The following KIAA2012 variants were observed in gnomAD, a reference collection of about 807,000 sequenced individuals.
The protein encoded by KIAA2012 is uncharacterized protein KIAA2012.
Under a neutral mutation model 150.6 loss-of-function variants are expected in KIAA2012, and 125 were observed. The ratio of observed to expected loss-of-function variants is 0.83; its 90% CI spans 0.72 to 0.96. KIAA2012 has a LOEUF of 0.96. KIAA2012 is among the 40% of genes least tolerant of loss of function. The probability of loss-of-function intolerance (pLI) is 0.00; values close to 1 mark genes in which losing one functional copy is unlikely to be tolerated. For missense variants in KIAA2012, 1,219 were observed against 1,354.9 expected (o/e 0.90, Z 1.57); for synonymous variants, 462 against 504.7 (o/e 0.92, Z 1.13).
rs144499273 is a variant in KIAA2012, at chr2:202,118,552, G to A, written c.1762+5106G>A. 2.7e-3 allele frequency among the ~76,000 whole-genome samples: 417 copies of A among 152,286 alleles called. 2 individuals are homozygous for A. The highest frequency in any genetic ancestry group is 9.8e-3 in the African/African-American group (407 of 41,566). On this transcript the variant is annotated intron_variant, in intron 11 of 23. Coordinates refer to ENST00000498697, the MANE Select transcript of KIAA2012 (RefSeq NM_001277372.4). The stretch of plus-strand genomic sequence containing the variant: ...TGAAGACTGAGCATGATAAGAGGCA[G>A]TTACTGTATAGTAACTCTGTTTCTT...
Position 202,144,934 on chromosome 2 carries a change from C to A in KIAA2012, c.1908+6426C>A, listed in dbSNP as rs1691266985. ...CAGTGATAATGAGATGGAAGTTCAA[C>A]TGATATTTTCCCCACAACTCACACA... On this transcript the variant is annotated intron_variant, in intron 13 of 23. Coordinates refer to ENST00000498697, the MANE Select transcript of KIAA2012 (RefSeq NM_001277372.4). Among the ~76,000 whole-genome samples, 3 of 152,214 alleles carry A rather than the reference C, an allele frequency of 2.0e-5. No individual in the cohort carries two copies. The South Asian group carries it at 6.2e-4, about 32-fold the overall frequency.
Position 202,093,257 on chromosome 2 carries a change from C to T in KIAA2012, c.685+72C>T, listed in dbSNP as rs183997650. Reference sequence around the variant, plus strand: ...TTGAATTGTTAACACCTTAAAATGGCATTTCCCAAAACAAGGTCTTGAGAT... The same window carrying T: ...TTGAATTGTTAACACCTTAAAATGGTATTTCCCAAAACAAGGTCTTGAGAT... On this transcript the variant is annotated intron_variant, in intron 4 of 23. Coordinates refer to ENST00000498697, the MANE Select transcript of KIAA2012 (RefSeq NM_001277372.4). The T allele has an allele frequency of 1.5e-4, 222 of 1,459,850 alleles. No individual in the cohort carries two copies. In the African/African-American group the frequency reaches 2.2e-3, roughly 15 times the overall value. 90.4% of individuals were successfully genotyped at this position (1,459,850 alleles called of 1,614,324 possible). A position where few individuals can be genotyped will look rare whatever the true frequency, so the allele number is the denominator to read the frequency against.
chr2:202,166,786 A>C (rs1691776580), intron 15 of KIAA2012, among the ~76,000 whole-genome samples: 1 of 152,214 alleles, frequency 6.6e-6, no homozygotes, highest in South Asian at 2.1e-4. Context: ...GCAGTGAACC[A>C]GTTGCCACCT....
intron 2 of KIAA2012, among the ~76,000 whole-genome samples, chr2:202,088,714 T>C (rs1689643036): frequency 6.6e-6 from 1 of 152,212 alleles, no homozygotes; most frequent in Non-Finnish European, 1.5e-5. Flanking sequence ...GGCTAAATTA[T>C]ATAATGATTA....
At chr2:202,103,144 G>C in intron 8 of KIAA2012, 30 bp downstream of exon 8, 1 of 1,544,608 alleles carries the variant, frequency 6.5e-7, no homozygotes, top group Non-Finnish European at 8.7e-7. Context: ...GCACTCCTGA[G>C]GGAGAGCCTG....
intron 13 of KIAA2012, among the ~76,000 whole-genome samples, chr2:202,146,658 G>A (rs942063186): frequency 2.7e-4 from 40 of 149,748 alleles, no homozygotes; most frequent in African/African-American, 9.6e-4. Flanking sequence ...AAAAAGCCAG[G>A]TGTGTTGGTG....
At chr2:202,199,920 ATTTTTTTT>A (rs71025287) in intron 22 of KIAA2012, among the ~76,000 whole-genome samples, 5 of 76,288 alleles carry the variant, frequency 6.6e-5, no homozygotes, top group Admixed American at 1.9e-4. Context: ...GCCCCTCATA[ATTTTTTTT>A]TTTTTTTTTT....
At chr2:202,107,905 A>G (rs1690242442) in intron 9 of KIAA2012, among the ~76,000 whole-genome samples, 1 of 152,156 alleles carries the variant, frequency 6.6e-6, no homozygotes, top group Non-Finnish European at 1.5e-5. Context: ...GCTACTCTGG[A>G]GGCTGAGGCA....
chr2:202,168,191 C>T (rs367979545), intron 15 of KIAA2012, among the ~76,000 whole-genome samples: 3 of 151,974 alleles, frequency 2.0e-5, no homozygotes, highest in East Asian at 1.9e-4. Context: ...GAGGCTGAGG[C>T]GGGTGGATCA....
At chr2:202,101,223 A>T (rs1690035785) in intron 7 of KIAA2012, among the ~76,000 whole-genome samples, 1 of 152,206 alleles carries the variant, frequency 6.6e-6, no homozygotes, top group African/African-American at 2.4e-5. Context: ...AATTGCAGGG[A>T]TTCATGTCAT....
In KIAA2012 at chr2:202,088,107, C is replaced by A. The variant is rs1157002327; in HGVS notation, c.370-2663C>A. On this transcript the variant is annotated intron_variant, in intron 2 of 23. Transcript: ENST00000498697. Reference sequence around the variant, plus strand: ...ATAGGGAGGATGCATATGGGCTATACTGTACAAATATTACTACCACCATTT... The same window carrying A: ...ATAGGGAGGATGCATATGGGCTATAATGTACAAATATTACTACCACCATTT... Among the ~76,000 whole-genome samples the A allele has an allele frequency of 2.6e-5, 4 of 151,824 alleles. 1 individual carries two copies. Among genetic ancestry groups the A allele is most frequent in the African/African-American group, 9.7e-5 (4 of 41,296 alleles).
intron 16 of KIAA2012, among the ~76,000 whole-genome samples, chr2:202,185,840 A>G (rs1345591317): frequency 6.6e-6 from 1 of 152,134 alleles, no homozygotes; most frequent in Non-Finnish European, 1.5e-5. Flanking sequence ...TCTAAAGGAG[A>G]CTTCTCGTAT....
chr2:202,193,234 T>A, intron 19 of KIAA2012, 67 bp from the exon 20 acceptor site: 1 of 1,425,406 alleles, frequency 7.0e-7, no homozygotes, highest in East Asian at 2.5e-5. Context: ...CTGTCTGGGG[T>A]GGAGAAGGGC....
In KIAA2012 at chr2:202,105,772, C is replaced by T; in HGVS notation, c.1336C>T (p.Pro446Ser). 6.4e-7 allele frequency: 1 copy of T among 1,550,538 alleles called. No homozygotes were observed. Among genetic ancestry groups the T allele is most frequent in the Non-Finnish European group, 8.7e-7 (1 of 1,146,960 alleles). ...TCTTTGTCTCCTAGGTGCTCCACAC[C>T]CTGAGTCAGAACCAGAAAGCAGCGA... Reference protein sequence around the residue: ...EKAHRRGAPHPESEPESSEES... With the variant: ...EKAHRRGAPHSESEPESSEES... The change falls in exon 9 of 24, where the codon CCT (proline) becomes TCT (serine). Residue 446 changes from proline (P) to serine (S), a missense_variant. Transcript: ENST00000498697.
At chr2:202,084,476 C>T (rs781317508) in intron 2 of KIAA2012, among the ~76,000 whole-genome samples, 1 of 152,196 alleles carries the variant, frequency 6.6e-6, no homozygotes, top group Non-Finnish European at 1.5e-5. Flanking sequence ...AGGAAGCACT[C>T]ATGGTGGAAT....
intron 12 of KIAA2012, chr2:202,138,069 A>C (rs1691116679): frequency 6.0e-6 from 1 of 166,616 alleles, no homozygotes; most frequent in African/African-American, 2.4e-5. Context: ...CAGTCATACA[A>C]AATTTATACT....
At position 202,188,202 on chromosome 2, in the gene KIAA2012, CA is replaced by C. The variant is rs771832388; in HGVS notation, c.2431del (p.Thr811ProfsTer32). ...AGAGAAAGGAAAAACCCAAGAAAGA[CA>C]AAACCAAAGGACCCAAAAGCGAGAG... ...AKRKEKPKKD[K>X]TKGPKSEREG... is the part of the protein sequence containing the mutation. On this transcript the variant is annotated frameshift_variant, in exon 18 of 24. Coordinates refer to ENST00000498697, the MANE Select transcript of KIAA2012 (RefSeq NM_001277372.4). LOFTEE classifies it high-confidence loss of function. 1.3e-6 allele frequency: 2 copies of C among 1,550,550 alleles called. No individual in the cohort carries two copies. Among genetic ancestry groups the C allele is most frequent in the South Asian group, 2.4e-5 (2 of 84,032 alleles).
Position 202,188,267 on chromosome 2 carries a change from G to T in KIAA2012, c.2491+1G>T. ...TACGGGCAAGCAGAGGCTGCCATTGGTAAGAGAGTGTGCCTGCAAGTAACA... is the reference window on the plus strand; with the variant it reads ...TACGGGCAAGCAGAGGCTGCCATTGTTAAGAGAGTGTGCCTGCAAGTAACA... On this transcript the variant is annotated splice_donor_variant, in intron 18 of 23. Coordinates refer to ENST00000498697, the MANE Select transcript of KIAA2012 (RefSeq NM_001277372.4). LOFTEE classifies it high-confidence loss of function. The T allele has an allele frequency of 6.5e-7, 1 of 1,548,516 alleles. No homozygotes were observed. The highest frequency in any genetic ancestry group is 8.7e-7 in the Non-Finnish European group (1 of 1,145,962).
intron 14 of KIAA2012, among the ~76,000 whole-genome samples, chr2:202,156,394 A>G (rs1691525683): frequency 6.6e-6 from 1 of 152,126 alleles, no homozygotes; most frequent in Non-Finnish European, 1.5e-5. Context: ...TTCTGGGAGG[A>G]AATATCATCA....
Sources: allele counts gnomAD v4.1 joint callset (sites outside exome capture counted in the v4.1 genomes callset), GRCh38; gene constraint gnomAD v4.1.1; transcripts MANE v1.5; gene names NCBI Gene and HGNC (gene_info 2026-07-23, HGNC 2026-07-21).